Variants in OR1J2 observed in about 807,000 individuals in gnomAD.
The protein encoded by OR1J2 is olfactory receptor 1J2.
For missense variants in OR1J2, 304 were observed against 246.1 expected, an observed-to-expected ratio of 1.24 and a Z score of -1.57; for synonymous variants, 142 against 99.7, an observed-to-expected ratio of 1.42 and a Z score of -2.52.
chr9:122,454,478 A>G, the OR1J2 span, among the ~76,000 whole-genome samples: 8 of 152,096 alleles, frequency 5.3e-5, no homozygotes, highest in Non-Finnish European at 1.2e-4. Context: ...AGATCATGCC[A>G]CTGCACTCCA....
At chr9:122,553,658 T>C in the OR1J2 span, 1 of 1,613,942 alleles carries the variant, frequency 6.2e-7, no homozygotes, top group Non-Finnish European at 8.5e-7. Flanking sequence ...TAATGCTGGG[T>C]GTGTGCTGGG....
chr9:122,559,092 C>T, the OR1J2 span, among the ~76,000 whole-genome samples: 1 of 151,932 alleles, frequency 6.6e-6, no homozygotes, highest in African/African-American at 2.4e-5. Flanking sequence ...GTTGAAATTA[C>T]AATACATTAT....
chr9:122,455,590 T>C, the OR1J2 span, among the ~76,000 whole-genome samples: 1 of 152,202 alleles, frequency 6.6e-6, no homozygotes, highest in Non-Finnish European at 1.5e-5. Context: ...TTATATATTC[T>C]GGATAAGATA....
the OR1J2 span, among the ~76,000 whole-genome samples, chr9:122,480,213 T>C: frequency 6.6e-6 from 1 of 151,962 alleles, no homozygotes; most frequent in Admixed American, 6.6e-5. Flanking sequence ...GATAAACCAA[T>C]AAAATAATGA....
the OR1J2 span, chr9:122,526,429 TATAG>T: frequency 2.0e-6 from 3 of 1,522,702 alleles, no homozygotes; most frequent in Non-Finnish European, 2.6e-6. Context: ...TTCCTTAGGC[TATAG>T]ATAAAGGGGT....
chr9:122,484,581 A>G, the OR1J2 span, among the ~76,000 whole-genome samples: 44 of 152,280 alleles, frequency 2.9e-4, no homozygotes, highest in Middle Eastern at 3.4e-3. Context: ...AGTCAAATCT[A>G]AAGAGGTTCT....
upstream of OR1J2, chr9:122,510,789 A>C (rs1433889304): frequency 8.7e-6 from 12 of 1,386,586 alleles, no homozygotes; most frequent in Non-Finnish European, 1.1e-5. Context: ...TCTCCATCAG[A>C]GGGCAAAGGA....
the OR1J2 span, among the ~76,000 whole-genome samples, chr9:122,467,870 A>G: frequency 6.6e-6 from 1 of 152,068 alleles, no homozygotes; most frequent in South Asian, 2.1e-4. Flanking sequence ...TAAATCCAAT[A>G]CCCATTGATA....
chr9:122,563,466 T>A, the OR1J2 span, among the ~76,000 whole-genome samples: 1 of 152,220 alleles, frequency 6.6e-6, no homozygotes, highest in Non-Finnish European at 1.5e-5. Flanking sequence ...ATTTGTTTTT[T>A]TGTTGTTATC....
the OR1J2 span, among the ~76,000 whole-genome samples, chr9:122,499,423 A>T: frequency 2.6e-5 from 4 of 152,106 alleles, no homozygotes; most frequent in African/African-American, 9.7e-5. Flanking sequence ...GTGGCATCTC[A>T]GGCCGCTGAA....
the OR1J2 span, among the ~76,000 whole-genome samples, chr9:122,530,937 G>A: frequency 1.3e-5 from 2 of 152,142 alleles, no homozygotes; most frequent in African/African-American, 2.4e-5. Context: ...GGCAGGAACT[G>A]GCCATCCGGA....
the OR1J2 span, chr9:122,526,562 G>A: frequency 1.1e-5 from 17 of 1,613,350 alleles, no homozygotes; most frequent in African/African-American, 9.3e-5. Flanking sequence ...CACAAACAAC[G>A]CAGAGGTGGG....
At chr9:122,555,954 A>T in the OR1J2 span, among the ~76,000 whole-genome samples, 12 of 152,194 alleles carry the variant, frequency 7.9e-5, no homozygotes, top group Admixed American at 3.3e-4. Flanking sequence ...CAAATGCTTA[A>T]TAGCATGTAT....
the OR1J2 span, chr9:122,520,059 AG>A: frequency 6.2e-7 from 1 of 1,612,966 alleles, no homozygotes; most frequent in African/African-American, 1.3e-5. Flanking sequence ...ACTCTTCAAC[AG>A]GGCAACAGTC....
In OR1J2 at chr9:122,510,992, G is replaced by T. The variant is rs137857788; in HGVS notation, c.191G>T (p.Ser64Ile). The T allele has an allele frequency of 2.3e-3, 3,776 of 1,609,548 alleles. 14 individuals carry two copies. The highest frequency in any genetic ancestry group is 3.3e-3 in the Middle Eastern group (20 of 6,052). Residue 64 changes from serine (S) to isoleucine (I), a missense_variant, in exon 1 of 1, where the codon AGC becomes ATC. Transcript: ENST00000335302. ...CACACCCCCATGTACTTCTTCCTCA[G>T]CCACTTGGCTCTCACTGACATCTCC... Reference protein sequence around the residue: ...HLHTPMYFFLSHLALTDISFS... With the variant: ...HLHTPMYFFLIHLALTDISFS...
At chr9:122,466,255 G>A in the OR1J2 span, among the ~76,000 whole-genome samples, 2 of 152,120 alleles carry the variant, frequency 1.3e-5, no homozygotes, top group Non-Finnish European at 2.9e-5. Flanking sequence ...ACTTCATGAG[G>A]CTATTCTTGA....
At chr9:122,530,325 C>T in the OR1J2 span, among the ~76,000 whole-genome samples, 1 of 152,164 alleles carries the variant, frequency 6.6e-6, no homozygotes, top group Non-Finnish European at 1.5e-5. Context: ...TTTATGTTTA[C>T]ATTTTGAATC....
At chr9:122,552,263 A>T in the OR1J2 span, among the ~76,000 whole-genome samples, 1 of 152,170 alleles carries the variant, frequency 6.6e-6, no homozygotes, top group South Asian at 2.1e-4. Context: ...ATCAATATGA[A>T]ATGGTTTCTC....
At chr9:122,569,872 T>A in the OR1J2 span, among the ~76,000 whole-genome samples, 3 of 151,650 alleles carry the variant, frequency 2.0e-5, no homozygotes, top group Non-Finnish European at 4.4e-5. Context: ...ATGTTCCCCT[T>A]CCTGTGTCCA....
Sources: gnomAD v4.1 joint callset for allele counts (sites outside exome capture counted in the v4.1 genomes callset) on GRCh38, gnomAD v4.1.1 for gene constraint, MANE v1.5 for transcripts, NCBI Gene and HGNC (gene_info 2026-07-23, HGNC 2026-07-21) for gene names.